ANKS6: variants seen among roughly 807,000 people sequenced by gnomAD.
ANKS6 encodes the protein ankyrin repeat and sterile alpha motif domain containing 6, also known as ankyrin repeat and SAM domain-containing protein 6.
Under a neutral mutation model 77.9 loss-of-function variants are expected in ANKS6, and 47 were observed. That is an observed-to-expected ratio of 0.60 (90% CI 0.48 to 0.77). The LOEUF is 0.77. Among genes scored for constraint, ANKS6 ranks in the 30% least tolerant of loss-of-function variants. ANKS6 has a pLI of 0.00. For synonymous variants in ANKS6, 488 were observed against 501.7 expected, an observed-to-expected ratio of 0.97 and a Z score of 0.37; for missense variants, 1,150 against 1,159.1, an observed-to-expected ratio of 0.99 and a Z score of 0.11.
At position 98,733,322 on chromosome 9, in the gene ANKS6, TCA is replaced by T; in HGVS notation, c.*3195_*3196del. On this transcript the variant is annotated 3_prime_UTR_variant, in exon 15 of 15. Transcript: ENST00000353234. ...CAGCAGGGACTTGGACATCCAGCAC[TCA>T]CGACACACCAGCAAGACACTGCCTG... 1 of 985,412 alleles carries T rather than the reference TCA, an allele frequency of 1.0e-6. No individual in the cohort carries two copies. Among genetic ancestry groups the T allele is most frequent in the Non-Finnish European group, 1.2e-6 (1 of 829,988 alleles). The allele number at this position is 985,412 out of a possible 1,614,324, so 61.0% of individuals were successfully genotyped here. A position where few individuals can be genotyped will look rare whatever the true frequency, so the allele number is the denominator to read the frequency against.
At chr9:98,737,114 C>G (rs914899415) in intron 14 of ANKS6, among the ~76,000 whole-genome samples, 4 of 152,166 alleles carry the variant, frequency 2.6e-5, no homozygotes, top group Non-Finnish European at 5.9e-5. Flanking sequence ...ATTCCTACAA[C>G]GCCCCCTGCC....
intron 5 of ANKS6, among the ~76,000 whole-genome samples, chr9:98,781,605 G>A (rs545365843): frequency 1.3e-5 from 2 of 152,242 alleles, no homozygotes; most frequent in East Asian, 3.9e-4. Context: ...CCTCTTTGAG[G>A]GTCAAACAGA....
chr9:98,735,670 C>A lies in ANKS6; in HGVS notation c.*849G>T, dbSNP rs1831457866. ...TGAGCACTGTGGAGTACCAGAGCAT[C>A]ATCTGGTCTGACCTTCCACTTTGCA... On this transcript the variant is annotated 3_prime_UTR_variant, in exon 15 of 15. Transcript: ENST00000353234. 1.6e-6 allele frequency: 2 copies of A among 1,231,600 alleles called. No individual in the cohort carries two copies. Among genetic ancestry groups the A allele is most frequent in the African/African-American group, 1.6e-5 (1 of 64,430 alleles). The allele number at this position is 1,231,600 out of a possible 1,614,324, so 76.3% of individuals were successfully genotyped here. A position where few individuals can be genotyped will look rare whatever the true frequency, so the allele number is the denominator to read the frequency against.
In ANKS6 at chr9:98,736,353, CAAG is replaced by C; in HGVS notation, c.*163_*165del. 1 of 1,424,888 alleles carries C rather than the reference CAAG, an allele frequency of 7.0e-7. No homozygotes were observed. The highest frequency in any genetic ancestry group is 9.1e-7 in the Non-Finnish European group (1 of 1,093,464). 88.3% of individuals were successfully genotyped at this position (1,424,888 alleles called of 1,614,324 possible). On this transcript the variant is annotated 3_prime_UTR_variant, in exon 15 of 15. Coordinates refer to ENST00000353234, the MANE Select transcript of ANKS6 (RefSeq NM_173551.5). ...CTCTGTGTGTTGAAGTTTGTTGCAG[CAAG>C]AAGTACTACCAATGAATGCCGTCGA...
At chr9:98,755,145 G>A (rs937369570) in intron 12 of ANKS6, among the ~76,000 whole-genome samples, 22 of 152,182 alleles carry the variant, frequency 1.4e-4, no homozygotes, top group African/African-American at 5.3e-4. Flanking sequence ...ACCAGTGGCA[G>A]CATGCATTTA....
rs538575648 is a variant in ANKS6 at position 98,741,706 on chromosome 9, C to T, written c.2511+3853G>A. ...AAACTAACAAACTAATGAGCAGACT[C>T]GAGCACACATTACAATTCCAATACT... is the stretch of plus-strand genomic sequence containing the variant. On this transcript the variant is annotated intron_variant, in intron 14 of 14. Coordinates refer to ENST00000353234, the MANE Select transcript of ANKS6 (RefSeq NM_173551.5). 1.8e-3 allele frequency among the ~76,000 whole-genome samples: 274 copies of T among 152,328 alleles called. 1 individual carries two copies. Among genetic ancestry groups the T allele is most frequent in the African/African-American group, 6.1e-3 (253 of 41,574 alleles).
Position 98,732,666 on chromosome 9 carries a change from G to C in ANKS6, c.*3853C>G. 1 of 1,504,746 alleles carries C rather than the reference G, an allele frequency of 6.6e-7. No homozygotes were observed. Among genetic ancestry groups the C allele is most frequent in the Non-Finnish European group, 8.9e-7 (1 of 1,127,192 alleles). 93.2% of individuals were successfully genotyped at this position (1,504,746 alleles called of 1,614,324 possible). On this transcript the variant is annotated 3_prime_UTR_variant, in exon 15 of 15. Coordinates refer to ENST00000353234, the MANE Select transcript of ANKS6 (RefSeq NM_173551.5). ...TGCACCGCTCCACAGTGTGAAAAGG[G>C]CTTTCTCACTTTCACATGATCCCTG... is the stretch of plus-strand genomic sequence containing the variant.
chr9:98,745,607 C>T lies in ANKS6; in HGVS notation c.2463G>A (p.Gly821=). The part of the protein sequence containing the change: ...DLKELGIKTD[G]SRQQILAAIS... Reference sequence around the variant, plus strand: ...TCGCTGCCAGAATCTGCTGCCTGGACCCATCTGTCTTAATTCCCAGCTCCT... The same window carrying T: ...TCGCTGCCAGAATCTGCTGCCTGGATCCATCTGTCTTAATTCCCAGCTCCT... Residue 821 remains glycine (G), a synonymous_variant, in exon 14 of 15, where the codon GGG becomes GGA. Transcript: ENST00000353234. 1 of 1,614,188 alleles carries T rather than the reference C, an allele frequency of 6.2e-7. No homozygotes were observed.
In ANKS6 at chr9:98,732,588, A is replaced by G. The variant is rs1004010668; in HGVS notation, c.*3931T>C. The G allele has an allele frequency of 3.9e-6, 6 of 1,550,330 alleles. No individual in the cohort carries two copies. The Admixed American group carries it at 1.2e-4, about 30-fold the overall frequency. On this transcript the variant is annotated 3_prime_UTR_variant, in exon 15 of 15. Transcript: ENST00000353234. ...GGCAGAAGGGAGAGAAGAAAGAGAG[A>G]TGAGAGATGAAAGGATTTAAAATGG...
chr9:98,787,017 C>T (rs929593261), intron 2 of ANKS6, among the ~76,000 whole-genome samples: 1 of 152,196 alleles, frequency 6.6e-6, no homozygotes, highest in Non-Finnish European at 1.5e-5. Context: ...ACACCACAAC[C>T]TCAGTGGGGA....
At position 98,732,737 on chromosome 9, in the gene ANKS6, G is replaced by A; in HGVS notation, c.*3782C>T. ...ACCAAAAGGGAAACTGGGACTCAAAGGGAAGAAGAAACGTGCTCAACATCA... is the reference window on the plus strand; with the variant it reads ...ACCAAAAGGGAAACTGGGACTCAAAAGGAAGAAGAAACGTGCTCAACATCA... On this transcript the variant is annotated 3_prime_UTR_variant, in exon 15 of 15. Transcript: ENST00000353234. The A allele has an allele frequency of 7.0e-7, 1 of 1,434,084 alleles. No individual in the cohort carries two copies. Among genetic ancestry groups the A allele is most frequent in the Non-Finnish European group, 9.1e-7 (1 of 1,098,328 alleles). The allele number at this position is 1,434,084 out of a possible 1,614,324, so 88.8% of individuals were successfully genotyped here.
At chr9:98,786,612 A>G (rs1482794709) in intron 2 of ANKS6, among the ~76,000 whole-genome samples, 4 of 152,210 alleles carry the variant, frequency 2.6e-5, no homozygotes, top group Non-Finnish European at 1.5e-5. Context: ...TTCTTCATGG[A>G]AAGTACGGAC....
chr9:98,782,373 G>A (rs1834319918), intron 5 of ANKS6, 94 bp downstream of exon 5: 2 of 1,159,724 alleles, frequency 1.7e-6, no homozygotes, highest in East Asian at 2.4e-5. Context: ...ATAAGCAAGT[G>A]CTTAAAACAC....
chr9:98,796,039 T>C (rs1331020296), intron 1 of ANKS6, 94 bp downstream of exon 1: 2 of 1,203,458 alleles, frequency 1.7e-6, no homozygotes, highest in Non-Finnish European at 2.1e-6. Context: ...TCCTTAACTC[T>C]TCACCTCCCG....
At chr9:98,748,891 C>T (rs1224771769) in intron 13 of ANKS6, among the ~76,000 whole-genome samples, 1 of 152,100 alleles carries the variant, frequency 6.6e-6, no homozygotes, top group Non-Finnish European at 1.5e-5. Context: ...AACTTCATTC[C>T]TCTTCCATAT....
At chr9:98,751,515 C>T (rs1427605563) in intron 12 of ANKS6, among the ~76,000 whole-genome samples, 1 of 152,162 alleles carries the variant, frequency 6.6e-6, no homozygotes, top group Non-Finnish European at 1.5e-5. Context: ...TGAGGAAGAA[C>T]TTAAGAAAGA....
At chr9:98,759,923 T>C (rs369032500) in intron 11 of ANKS6, among the ~76,000 whole-genome samples, 6 of 152,292 alleles carry the variant, frequency 3.9e-5, no homozygotes, top group African/African-American at 7.2e-5. Flanking sequence ...TATACCACTG[T>C]AGGATGACGA....
At position 98,735,594 on chromosome 9, in the gene ANKS6, A is replaced by G; in HGVS notation, c.*925T>C. The G allele has an allele frequency of 3.2e-6, 4 of 1,231,404 alleles. No individual in the cohort carries two copies. Among genetic ancestry groups the G allele is most frequent in the Non-Finnish European group, 4.0e-6 (4 of 987,888 alleles). 76.3% of individuals were successfully genotyped at this position (1,231,404 alleles called of 1,614,324 possible). ...CAGAGACCTTTACACAATGTGACCC[A>G]TTAGCCTTCTGCTTCCACTTTCAGT... On this transcript the variant is annotated 3_prime_UTR_variant, in exon 15 of 15. Coordinates refer to ENST00000353234, the MANE Select transcript of ANKS6 (RefSeq NM_173551.5).
chr9:98,773,264 G>A (rs767871596), intron 9 of ANKS6, among the ~76,000 whole-genome samples: 3 of 152,190 alleles, frequency 2.0e-5, no homozygotes, highest in Non-Finnish European at 2.9e-5. Context: ...GAGGCCACAC[G>A]TTTCTCCAAT....
Sources: allele counts gnomAD v4.1 joint callset (sites outside exome capture counted in the v4.1 genomes callset), GRCh38; gene constraint gnomAD v4.1.1; transcripts MANE v1.5; gene names NCBI Gene and HGNC (gene_info 2026-07-23, HGNC 2026-07-21).